Variants in WDFY4 observed in about 807,000 individuals in gnomAD.
WDFY4 encodes the protein WDFY family member 4.
In WDFY4, 169 loss-of-function variants were observed where a neutral mutation model predicts 351.9. That is an observed-to-expected ratio of 0.48 (90% CI 0.42 to 0.55). The LOEUF is 0.55. Among genes scored for constraint, WDFY4 ranks in the 20% least tolerant of loss-of-function variants. The probability of loss-of-function intolerance (pLI) is 0.00; values close to 1 mark genes in which losing one functional copy is unlikely to be tolerated. For missense variants in WDFY4, 3,803 were observed against 3,935.6 expected, an observed-to-expected ratio of 0.97 and a Z score of 0.90; for synonymous variants, 1,622 against 1,574.6, an observed-to-expected ratio of 1.03 and a Z score of -0.71.
intron 47 of WDFY4, among the ~76,000 whole-genome samples, chr10:48,930,071 A>G (rs1187508837): frequency 6.6e-6 from 1 of 151,306 alleles, no homozygotes; most frequent in African/African-American, 2.4e-5. Flanking sequence ...TCACTTGTCC[A>G]TTTCAGTTCC....
chr10:48,966,825 G>C (rs941797242), intron 55 of WDFY4, 152 bp downstream of exon 55: 6 of 1,099,006 alleles, frequency 5.5e-6, no homozygotes, highest in Middle Eastern at 3.0e-4. Flanking sequence ...CAGATTCTAG[G>C]GGGGTGTCAT....
At chr10:48,855,750 T>C (rs2069110775) in intron 39 of WDFY4, among the ~76,000 whole-genome samples, 2 of 152,136 alleles carry the variant, frequency 1.3e-5, no homozygotes, top group South Asian at 2.1e-4. Flanking sequence ...CAGTTTTGCT[T>C]TCTGCAGTTT....
At chr10:48,914,820 G>A (rs1484778871) in intron 47 of WDFY4, among the ~76,000 whole-genome samples, 2 of 152,172 alleles carry the variant, frequency 1.3e-5, no homozygotes, top group African/African-American at 2.4e-5. Flanking sequence ...ATCAGGGTGT[G>A]CCATTGCTGG....
intron 43 of WDFY4, among the ~76,000 whole-genome samples, chr10:48,885,346 C>T (rs562880350): frequency 2.0e-5 from 3 of 152,322 alleles, no homozygotes; most frequent in East Asian, 1.9e-4. Flanking sequence ...GCTAAAAATG[C>T]GCTCCAATTT....
intron 31 of WDFY4, among the ~76,000 whole-genome samples, chr10:48,815,872 G>A (rs2031207018): frequency 6.6e-6 from 1 of 151,880 alleles, no homozygotes; most frequent in South Asian, 2.1e-4. Context: ...TCCTATAAAT[G>A]ATATTAGTCT....
At chr10:48,908,452 G>T (rs1324731150) in intron 47 of WDFY4, among the ~76,000 whole-genome samples, 1 of 152,180 alleles carries the variant, frequency 6.6e-6, no homozygotes, top group Non-Finnish European at 1.5e-5. Context: ...GGAAATTTTA[G>T]ATTAGCCGGC....
chr10:48,744,134 GA>G lies in WDFY4; in HGVS notation c.2459+588del, dbSNP rs545952122. Among the ~76,000 whole-genome samples, 13 of 152,252 alleles carry G rather than the reference GA, an allele frequency of 8.5e-5. No homozygotes were observed. In the South Asian group the frequency reaches 2.5e-3, roughly 29 times the overall value. ...TTTTTCCTCTCATGTCTGTAACAAAGAATTCCACTAAAGCAAGAGAGCACAA... is the reference window on the plus strand; with the variant it reads ...TTTTTCCTCTCATGTCTGTAACAAAGATTCCACTAAAGCAAGAGAGCACAA... On this transcript the variant is annotated intron_variant, in intron 12 of 61. Coordinates refer to ENST00000325239, the MANE Select transcript of WDFY4 (RefSeq NM_001394531.1).
chr10:48,787,453 T>C (rs757090857), intron 20 of WDFY4, among the ~76,000 whole-genome samples: 1 of 152,212 alleles, frequency 6.6e-6, no homozygotes, highest in Non-Finnish European at 1.5e-5. Flanking sequence ...GCCAGAGCAA[T>C]GGGACGAGGT....
chr10:48,950,057 A>G (rs969761639), intron 51 of WDFY4, among the ~76,000 whole-genome samples: 2 of 152,104 alleles, frequency 1.3e-5, no homozygotes, highest in African/African-American at 2.4e-5. Context: ...ATAATAAGAA[A>G]TTTACCCTTT....
At chr10:48,723,181 CCCTT>C (rs1194277952) in intron 4 of WDFY4, among the ~76,000 whole-genome samples, 2 of 149,134 alleles carry the variant, frequency 1.3e-5, no homozygotes, top group African/African-American at 2.5e-5. Context: ...CTCTCTCCCT[CCCTT>C]CCTTCCTTCC....
chr10:48,799,323 G>A (rs1480231580), intron 24 of WDFY4, among the ~76,000 whole-genome samples: 1 of 150,370 alleles, frequency 6.7e-6, no homozygotes. Context: ...TTAAAAGATT[G>A]AGGGGAGAGA....
intron 13 of WDFY4, among the ~76,000 whole-genome samples, chr10:48,761,192 C>A (rs116172750): frequency 6.6e-6 from 1 of 151,964 alleles, no homozygotes; most frequent in African/African-American, 2.4e-5. Flanking sequence ...AGGGGAGGAG[C>A]AAATTGGAAG....
intron 47 of WDFY4, among the ~76,000 whole-genome samples, chr10:48,930,728 T>A (rs2663060): frequency 1.3e-5 from 2 of 151,996 alleles, no homozygotes; most frequent in Admixed American, 6.6e-5. Flanking sequence ...TAACAATAGA[T>A]GAGTGATTAA....
chr10:48,873,798 G>T, intron 41 of WDFY4, 101 bp downstream of exon 41: 1 of 1,305,192 alleles, frequency 7.7e-7, no homozygotes. Context: ...ATCAGGCTAA[G>T]ATAACACATG....
intron 15 of WDFY4, 91 bp from the exon 16 acceptor site, chr10:48,776,659 G>T: frequency 7.9e-7 from 1 of 1,260,130 alleles, no homozygotes; most frequent in Non-Finnish European, 1.1e-6. Context: ...CTCTCTTTCT[G>T]GGCTGCGGCA....
At chr10:48,784,430 A>G (rs2066327374) in intron 19 of WDFY4, among the ~76,000 whole-genome samples, 1 of 147,796 alleles carries the variant, frequency 6.8e-6, no homozygotes, top group Admixed American at 6.8e-5. Flanking sequence ...GTGGCTAATG[A>G]GGTTGAACAT....
chr10:48,950,712 C>T (rs1340384361), intron 51 of WDFY4, among the ~76,000 whole-genome samples: 1 of 152,198 alleles, frequency 6.6e-6, no homozygotes, highest in Non-Finnish European at 1.5e-5. Flanking sequence ...GGGACATGTG[C>T]CATTTTCAAG....
chr10:48,750,785 A>G (rs1028833921), intron 12 of WDFY4, among the ~76,000 whole-genome samples: 2 of 152,252 alleles, frequency 1.3e-5, no homozygotes, highest in Admixed American at 6.5e-5. Flanking sequence ...CTGTACATCT[A>G]TCAATTTTTG....
At chr10:48,704,774 A>G (rs1458333373) in intron 1 of WDFY4, among the ~76,000 whole-genome samples, 2 of 152,082 alleles carry the variant, frequency 1.3e-5, no homozygotes, top group Non-Finnish European at 2.9e-5. Flanking sequence ...TGGCCAAGTC[A>G]CCTCTCTGCT....
Sources: allele counts gnomAD v4.1 joint callset (sites outside exome capture counted in the v4.1 genomes callset), GRCh38; gene constraint gnomAD v4.1.1; transcripts MANE v1.5; gene names NCBI Gene and HGNC (gene_info 2026-07-23, HGNC 2026-07-21).